The following PCDHGA12 variants were observed in gnomAD, a reference collection of about 807,000 sequenced individuals.
The protein encoded by PCDHGA12 is protocadherin gamma subfamily A, 12.
In PCDHGA12, 43 loss-of-function variants were observed where a neutral mutation model predicts 61.1. The ratio of observed to expected loss-of-function variants is 0.70; its 90% CI spans 0.55 to 0.91. PCDHGA12 has a LOEUF of 0.91. Among genes scored for constraint, PCDHGA12 ranks in the 40% least tolerant of loss-of-function variants. The pLI, the probability that PCDHGA12 is intolerant of heterozygous loss-of-function variation, is 0.00. For missense variants in PCDHGA12, 1,236 were observed against 1,227.7 expected (o/e 1.01, Z -0.10); for synonymous variants, 520 against 542.9 (o/e 0.96, Z 0.59).
At chr5:141,457,280 A>T (rs964027392) in intron 1 of PCDHGA12, among the ~76,000 whole-genome samples, 1 of 152,196 alleles carries the variant, frequency 6.6e-6, no homozygotes, top group Non-Finnish European at 1.5e-5. Flanking sequence ...TGGGCCTACG[A>T]AGTTCCTTGG....
At position 141,489,369 on chromosome 5, in the gene PCDHGA12, G is replaced by A. The variant is rs371328808; in HGVS notation, c.2425-5438G>A. The A allele has an allele frequency of 4.5e-5, 73 of 1,613,474 alleles. No individual in the cohort carries two copies. Among genetic ancestry groups the A allele is most frequent in the African/African-American group, 4.1e-4 (31 of 74,894 alleles). ...TGGTGGAGGAGTCTGAGCCGGGGACGCTGGTGGGGAATGTTGCTCAGGATC... is the reference window on the plus strand; with the variant it reads ...TGGTGGAGGAGTCTGAGCCGGGGACACTGGTGGGGAATGTTGCTCAGGATC... On this transcript the variant is annotated intron_variant, in intron 1 of 3. Transcript: ENST00000252085. This position sits in a 1 kb window ranked among gnomAD's most constrained non-coding sequence, Gnocchi z 4.5.
At chr5:141,509,143 C>T (rs1022878562) in intron 3 of PCDHGA12, among the ~76,000 whole-genome samples, 9 of 152,138 alleles carry the variant, frequency 5.9e-5, no homozygotes, top group Non-Finnish European at 1.0e-4. Flanking sequence ...AGGCGCATCC[C>T]GGCTCTCCCC....
In PCDHGA12 at chr5:141,430,557, G is replaced by C. The variant is rs1161595629; in HGVS notation, c.-203G>C. ...CTCTGAGCGCCGCTGTTCACCAATC[G>C]GGGAGAGAAAAGCGGAGATCCTGCT... On this transcript the variant is annotated 5_prime_UTR_variant, in exon 1 of 4. Coordinates refer to ENST00000252085, the MANE Select transcript of PCDHGA12 (RefSeq NM_003735.3). The C allele has an allele frequency of 1.2e-5, 5 of 412,906 alleles. No homozygotes were observed. Among genetic ancestry groups the C allele is most frequent in the Non-Finnish European group, 1.7e-5 (4 of 237,664 alleles). 25.6% of individuals were successfully genotyped at this position (412,906 alleles called of 1,614,324 possible).
At chr5:141,463,981 A>G (rs1441851777) in intron 1 of PCDHGA12, among the ~76,000 whole-genome samples, 1 of 152,150 alleles carries the variant, frequency 6.6e-6, no homozygotes, top group Non-Finnish European at 1.5e-5. Context: ...ACTCCATTGT[A>G]AAAACCAGGT....
chr5:141,441,665 A>C (rs994092543), intron 1 of PCDHGA12: 10 of 265,838 alleles, frequency 3.8e-5, no homozygotes, highest in African/African-American at 2.1e-4. Context: ...CCTTGAGCGC[A>C]CAGTGCGCCT....
chr5:141,452,641 CT>C (rs1351640847), intron 1 of PCDHGA12, among the ~76,000 whole-genome samples: 3 of 151,934 alleles, frequency 2.0e-5, no homozygotes, highest in Admixed American at 1.3e-4. Flanking sequence ...AATATATTTA[CT>C]CATTTGCTCC....
chr5:141,490,910 A>G lies in PCDHGA12; in HGVS notation c.2425-3897A>G. The G allele has an allele frequency of 1.2e-6, 2 of 1,613,652 alleles. No individual in the cohort carries two copies. Among genetic ancestry groups the G allele is most frequent in the African/African-American group, 1.3e-5 (1 of 75,048 alleles). ...TCTCTGCATGTGTTTGTCCTAGACG[A>G]GAATGATAATGCCCCAGCTGTGCTG... On this transcript the variant is annotated intron_variant, in intron 1 of 3. Transcript: ENST00000252085. This position sits in a 1 kb window ranked among gnomAD's most constrained non-coding sequence, Gnocchi z 5.4.
At chr5:141,464,282 A>AG (rs1318553407) in intron 1 of PCDHGA12, among the ~76,000 whole-genome samples, 1 of 151,396 alleles carries the variant, frequency 6.6e-6, no homozygotes, top group Non-Finnish European at 1.5e-5. Flanking sequence ...AAAAAAGCAA[A>AG]AAAAAAAACT....
rs570982273 is a variant in PCDHGA12, at chr5:141,476,764, G to T, written c.2425-18043G>T. On this transcript the variant is annotated intron_variant, in intron 1 of 3. Coordinates refer to ENST00000252085, the MANE Select transcript of PCDHGA12 (RefSeq NM_003735.3). This position sits in a 1 kb window ranked among gnomAD's most constrained non-coding sequence, Gnocchi z 7.6. ...CTAGTCTCCAGTTAGTGCTGACGGC[G>T]TTGGACGGAGGGACCCCAGCTCTCT... 1.2e-5 allele frequency: 19 copies of T among 1,613,794 alleles called. No individual in the cohort carries two copies. In the East Asian group the frequency reaches 3.8e-4, roughly 32 times the overall value.
intron 1 of PCDHGA12, among the ~76,000 whole-genome samples, chr5:141,469,923 G>A (rs1251812588): frequency 1.3e-5 from 2 of 152,200 alleles, no homozygotes; most frequent in Non-Finnish European, 2.9e-5. Flanking sequence ...CCGAGGTCAG[G>A]AGTTTGAGAC....
At chr5:141,450,489 CTG>C (rs2098682348) in intron 1 of PCDHGA12, among the ~76,000 whole-genome samples, 1 of 150,280 alleles carries the variant, frequency 6.7e-6, no homozygotes, top group Admixed American at 6.6e-5. Context: ...GTTTGTTTGT[CTG>C]TTTGTTTGTT....
At chr5:141,494,676 CT>C (rs2099756021) in intron 1 of PCDHGA12, 130 bp from the exon 2 acceptor site, 6 of 1,550,918 alleles carry the variant, frequency 3.9e-6, no homozygotes, top group Non-Finnish European at 4.4e-6. Context: ...GAGTCCACCC[CT>C]GCCCCCTCTT....
At chr5:141,510,682 G>C (rs1014890367) in intron 3 of PCDHGA12, among the ~76,000 whole-genome samples, 2 of 152,154 alleles carry the variant, frequency 1.3e-5, no homozygotes, top group Non-Finnish European at 2.9e-5. Context: ...GTGGCATAAG[G>C]AGGTTAGGTA....
At chr5:141,507,286 TC>T in intron 3 of PCDHGA12, 1 of 149,886 alleles carries the variant, frequency 6.7e-6, no homozygotes, top group East Asian at 1.9e-4. Context: ...TAAGTCAGTC[TC>T]AAATGTTGCA....
intron 1 of PCDHGA12, chr5:141,492,055 G>C (rs1335131646): frequency 4.1e-6 from 2 of 493,506 alleles, no homozygotes; most frequent in Non-Finnish European, 7.1e-6. Flanking sequence ...CACCCCTGCA[G>C]CCAGCCTCCT....
rs558951022 is a variant in PCDHGA12 at position 141,501,554 on chromosome 5, C to T, written c.2484-3839C>T. On this transcript the variant is annotated intron_variant, in intron 2 of 3. Coordinates refer to ENST00000252085, the MANE Select transcript of PCDHGA12 (RefSeq NM_003735.3). ...CGTTGTTGTGCATAAGATCATAGGC[C>T]CTGGAATCATATTAGGCTGGCTTTC... is the stretch of plus-strand genomic sequence containing the variant. Among the ~76,000 whole-genome samples the T allele has an allele frequency of 3.3e-5, 5 of 152,044 alleles. No homozygotes were observed. In the East Asian group the frequency reaches 7.8e-4, roughly 24 times the overall value.
intron 1 of PCDHGA12, chr5:141,441,857 ACGCCGC>A (rs2098279969): frequency 2.8e-6 from 1 of 352,664 alleles, no homozygotes; most frequent in Non-Finnish European, 5.6e-6. Flanking sequence ...ATGGTGCTGC[ACGCCGC>A]GGAGCCTGGC....
rs1373678836 is a variant in PCDHGA12, at chr5:141,477,459, C to T, written c.2425-17348C>T. 6.2e-7 allele frequency: 1 copy of T among 1,614,186 alleles called. No homozygotes were observed. The highest frequency in any genetic ancestry group is 8.5e-7 in the Non-Finnish European group (1 of 1,180,034). On this transcript the variant is annotated intron_variant, in intron 1 of 3. Coordinates refer to ENST00000252085, the MANE Select transcript of PCDHGA12 (RefSeq NM_003735.3). This position sits in a 1 kb window ranked among gnomAD's most constrained non-coding sequence, Gnocchi z 4.9. ...CTTACAATAGTGCGTGTTCAAGTGTCCGACATCAATGACAACCCTCCACAA... is the reference window on the plus strand; with the variant it reads ...CTTACAATAGTGCGTGTTCAAGTGTTCGACATCAATGACAACCCTCCACAA...
At chr5:141,464,558 A>G (rs1276921889) in intron 1 of PCDHGA12, among the ~76,000 whole-genome samples, 2 of 152,176 alleles carry the variant, frequency 1.3e-5, no homozygotes, top group Non-Finnish European at 2.9e-5. Context: ...CCCATCTTGC[A>G]TTCCTACAAA....
Sources: allele counts gnomAD v4.1 joint callset (sites outside exome capture counted in the v4.1 genomes callset), GRCh38; gene constraint gnomAD v4.1.1; non-coding constraint Gnocchi (gnomAD v3.1); transcripts MANE v1.5; gene names NCBI Gene and HGNC (gene_info 2026-07-23, HGNC 2026-07-21).